SPATS2: variants seen among roughly 807,000 people sequenced by gnomAD.
The protein encoded by SPATS2 is spermatogenesis associated serine rich 2.
In SPATS2, 38 loss-of-function variants were observed where a neutral mutation model predicts 63.7. The ratio of observed to expected loss-of-function variants is 0.60; its 90% CI spans 0.46 to 0.78. SPATS2 has a LOEUF of 0.78. SPATS2 is among the 30% of genes least tolerant of loss of function. The pLI is 0.00. For missense variants in SPATS2, 588 were observed against 666.2 expected, an observed-to-expected ratio of 0.88 and a Z score of 1.29; for synonymous variants, 207 against 232.9, an observed-to-expected ratio of 0.89 and a Z score of 1.01.
intron 9 of SPATS2, among the ~76,000 whole-genome samples, chr12:49,503,392 G>A (rs749212793): frequency 2.2e-4 from 32 of 148,036 alleles, no homozygotes; most frequent in Non-Finnish European, 3.6e-4. Context: ...GCTCATGCCT[G>A]TAATCCCAGC....
intron 2 of SPATS2, among the ~76,000 whole-genome samples, chr12:49,452,347 A>G (rs1259313761): frequency 2.0e-5 from 3 of 152,192 alleles, no homozygotes; most frequent in African/African-American, 4.8e-5. Flanking sequence ...GCTCAGACTC[A>G]TGGCTGATTG....
chr12:49,475,736 C>G (rs977314915), intron 3 of SPATS2, among the ~76,000 whole-genome samples: 13 of 152,186 alleles, frequency 8.5e-5, no homozygotes, highest in African/African-American at 2.4e-4. Context: ...GCCACTGTGC[C>G]CAGCCTGGTA....
chr12:49,476,909 C>T (rs1160813606), intron 3 of SPATS2, among the ~76,000 whole-genome samples: 2 of 152,190 alleles, frequency 1.3e-5, no homozygotes, highest in Non-Finnish European at 2.9e-5. Context: ...AGTTTGAAAC[C>T]AGCCTGACCA....
At chr12:49,412,967 T>G (rs1298182082) in intron 2 of SPATS2, among the ~76,000 whole-genome samples, 4 of 152,076 alleles carry the variant, frequency 2.6e-5, no homozygotes, top group Non-Finnish European at 5.9e-5. Flanking sequence ...TGAGTAAGCA[T>G]AAAGCTAGTA....
chr12:49,498,720 T>C (rs929771347), intron 8 of SPATS2, among the ~76,000 whole-genome samples: 18 of 151,252 alleles, frequency 1.2e-4, no homozygotes, highest in African/African-American at 4.4e-4. Context: ...CTGGGGTCTT[T>C]TAAGATATCT....
chr12:49,434,055 T>A (rs1188908818), intron 2 of SPATS2, among the ~76,000 whole-genome samples: 1 of 152,208 alleles, frequency 6.6e-6, no homozygotes, highest in East Asian at 1.9e-4. Flanking sequence ...TCATCTAATG[T>A]TCTTGGCCCC....
intron 8 of SPATS2, among the ~76,000 whole-genome samples, chr12:49,498,145 A>AATATATATATATATATATATATATATAT (rs1555191172): frequency 3.0e-5 from 3 of 98,958 alleles, no homozygotes; most frequent in Non-Finnish European, 3.8e-5. Flanking sequence ...AAAAAAAAAA[A>AATATATATATATATATATATATATATAT]ATATATATAT....
rs1945945013 is a variant in SPATS2, at chr12:49,467,553, C to T, written c.25+6516C>T. Among the ~76,000 whole-genome samples, 6 of 152,126 alleles carry T rather than the reference C, an allele frequency of 3.9e-5. No individual in the cohort carries two copies. In the South Asian group the frequency reaches 1.2e-3, roughly 31 times the overall value. On this transcript the variant is annotated intron_variant, in intron 3 of 13. Coordinates refer to ENST00000552918, the MANE Select transcript of SPATS2 (RefSeq NM_023071.4). ...TCTAGAGATTAGGGAAGGATGAGAT[C>T]AAGCCATTATAACTTGTTTTATATT...
At chr12:49,428,365 T>C (rs1945121521) in intron 2 of SPATS2, among the ~76,000 whole-genome samples, 1 of 152,236 alleles carries the variant, frequency 6.6e-6, no homozygotes, top group African/African-American at 2.4e-5. Context: ...CTCACATTCT[T>C]GTGCATCCAT....
At chr12:49,385,759 G>A (rs1429600826) in intron 2 of SPATS2, among the ~76,000 whole-genome samples, 6 of 152,146 alleles carry the variant, frequency 3.9e-5, no homozygotes, top group Admixed American at 3.9e-4. Flanking sequence ...GGCTGCAGCA[G>A]GGAAATATTG....
intron 2 of SPATS2, among the ~76,000 whole-genome samples, chr12:49,421,255 T>C (rs1944976190): frequency 6.6e-6 from 1 of 151,618 alleles, no homozygotes; most frequent in Non-Finnish European, 1.5e-5. Flanking sequence ...CCGTCTCTAC[T>C]AAAAATACAA....
At chr12:49,382,040 T>C (rs1944231540) in intron 2 of SPATS2, among the ~76,000 whole-genome samples, 1 of 152,236 alleles carries the variant, frequency 6.6e-6, no homozygotes, top group South Asian at 2.1e-4. Context: ...AGATATCTTC[T>C]GAAGGCCCTC....
rs1308047040 is a variant in SPATS2, at chr12:49,447,056, G to C, written c.-243-13714G>C. On this transcript the variant is annotated intron_variant, in intron 2 of 13. Transcript: ENST00000552918. ...CAGTTCTCCTGCTTCAGCCTCCCAA[G>C]TAGCTAGGATTACAAGTGCCTGCCA... Among the ~76,000 whole-genome samples, 4 of 151,538 alleles carry C rather than the reference G, an allele frequency of 2.6e-5. No individual in the cohort carries two copies. In the East Asian group the frequency reaches 7.8e-4, roughly 29 times the overall value.
chr12:49,473,752 A>G (rs1473631704), intron 3 of SPATS2, among the ~76,000 whole-genome samples: 1 of 152,252 alleles, frequency 6.6e-6, no homozygotes, highest in Admixed American at 6.5e-5. Context: ...TAAGAAGCTA[A>G]CATGAGTCTT....
intron 2 of SPATS2, among the ~76,000 whole-genome samples, chr12:49,376,580 A>T (rs1944107511): frequency 6.6e-6 from 1 of 151,782 alleles, no homozygotes; most frequent in African/African-American, 2.4e-5. Context: ...AATTTTTTAT[A>T]GAGACAGGGT....
intron 3 of SPATS2, among the ~76,000 whole-genome samples, chr12:49,472,322 T>G (rs796921076): frequency 1.2e-4 from 18 of 152,088 alleles, no homozygotes; most frequent in African/African-American, 4.3e-4. Context: ...TTTCTCCCAC[T>G]ATCTTAAGGA....
chr12:49,461,059 A>C (rs759717327), intron 3 of SPATS2, 22 bp downstream of exon 3: 1 of 1,612,928 alleles, frequency 6.2e-7, no homozygotes, highest in East Asian at 2.2e-5. Flanking sequence ...TGTGGGCATA[A>C]ATTGTTAAAA....
intron 6 of SPATS2, among the ~76,000 whole-genome samples, chr12:49,492,595 A>G (rs1375623486): frequency 6.6e-6 from 1 of 152,304 alleles, no homozygotes; most frequent in East Asian, 1.9e-4. Context: ...GACCTGGAAG[A>G]GGATGTGTGT....
chr12:49,382,055 C>G (rs991452323), intron 2 of SPATS2, among the ~76,000 whole-genome samples: 1 of 152,134 alleles, frequency 6.6e-6, no homozygotes, highest in Non-Finnish European at 1.5e-5. Context: ...GCCCTCTCTC[C>G]CTGTGCTCCA....
Sources: allele counts gnomAD v4.1 joint callset (sites outside exome capture counted in the v4.1 genomes callset), GRCh38; gene constraint gnomAD v4.1.1; transcripts MANE v1.5; gene names NCBI Gene and HGNC (gene_info 2026-07-23, HGNC 2026-07-21).